Variants in FHIT observed in about 807,000 individuals in gnomAD.
FHIT encodes the protein bis(5'-adenosyl)-triphosphatase.
FHIT carries 19 observed loss-of-function variants against 17.9 expected under a neutral mutation model. That is an observed-to-expected ratio of 1.06 (90% CI 0.74 to 1.56). The LOEUF (loss-of-function observed/expected upper bound fraction) is 1.56, where lower values mean the gene tolerates loss of function less well. Ranked by LOEUF, FHIT falls within the 40% of genes most tolerant of loss-of-function variation. FHIT has a pLI of 0.00. For missense variants in FHIT, 248 were observed against 189.2 expected, an observed-to-expected ratio of 1.31 and a Z score of -1.82; for synonymous variants, 81 against 69.7, an observed-to-expected ratio of 1.16 and a Z score of -0.81.
intron 2 of FHIT, among the ~76,000 whole-genome samples, chr3:61,173,122 AT>A (rs1373902237): frequency 1.3e-5 from 2 of 152,216 alleles, no homozygotes; most frequent in African/African-American, 4.8e-5. Flanking sequence ...AAATGTTAAT[AT>A]TTTAATTTTT....
intron 5 of FHIT, among the ~76,000 whole-genome samples, chr3:60,370,187 T>G (rs1407276538): frequency 7.1e-6 from 1 of 141,288 alleles, no homozygotes; most frequent in African/African-American, 2.7e-5. Flanking sequence ...GATATACACT[T>G]GAATTAACAA....
chr3:59,832,514 G>A (rs988401667), intron 8 of FHIT, among the ~76,000 whole-genome samples: 1 of 152,144 alleles, frequency 6.6e-6, no homozygotes, highest in African/African-American at 2.4e-5. Flanking sequence ...TGTCTACATA[G>A]AATCTTTAAA....
intron 8 of FHIT, among the ~76,000 whole-genome samples, chr3:59,775,450 G>C (rs1234235837): frequency 6.6e-6 from 1 of 152,144 alleles, no homozygotes; most frequent in African/African-American, 2.4e-5. Flanking sequence ...TTATACATCA[G>C]TGGTCGCACC....
intron 5 of FHIT, among the ~76,000 whole-genome samples, chr3:60,135,627 A>G (rs1699785866): frequency 6.6e-6 from 1 of 152,128 alleles, no homozygotes; most frequent in Non-Finnish European, 1.5e-5. Context: ...TGAGAAAGGA[A>G]AAGCAACTAA....
intron 5 of FHIT, among the ~76,000 whole-genome samples, chr3:60,510,501 A>G (rs1467634706): frequency 6.6e-6 from 1 of 152,192 alleles, no homozygotes; most frequent in Non-Finnish European, 1.5e-5. Context: ...TTGGCCTTTT[A>G]TCTCATTTTT....
intron 4 of FHIT, among the ~76,000 whole-genome samples, chr3:60,807,325 A>G (rs1342442788): frequency 6.6e-6 from 1 of 151,906 alleles, no homozygotes; most frequent in Non-Finnish European, 1.5e-5. Context: ...ATGTACTAAA[A>G]TATTTTCTAG....
At position 60,286,593 on chromosome 3, in the gene FHIT, C is replaced by G. The variant is rs572069376; in HGVS notation, c.103+250267G>C. On this transcript the variant is annotated intron_variant, in intron 5 of 9. Coordinates refer to ENST00000492590, the MANE Select transcript of FHIT (RefSeq NM_002012.4). ...AAGTTTAAACATTTTTTATCTCAAA[C>G]AGAGTGGCCTCTGAATTTTCCTCCT... is the stretch of plus-strand genomic sequence containing the variant. 9.9e-5 allele frequency among the ~76,000 whole-genome samples: 15 copies of G among 152,248 alleles called. No homozygotes were observed. The South Asian group carries it at 2.9e-3, about 29-fold the overall frequency.
At chr3:60,388,215 C>T (rs575401282) in intron 5 of FHIT, among the ~76,000 whole-genome samples, 1 of 152,122 alleles carries the variant, frequency 6.6e-6, no homozygotes, top group Non-Finnish European at 1.5e-5. Flanking sequence ...AAATTAACCC[C>T]CTAAATAAGC....
intron 5 of FHIT, among the ~76,000 whole-genome samples, chr3:60,418,614 CCTT>C (rs1463718253): frequency 7.6e-6 from 1 of 131,266 alleles, no homozygotes; most frequent in African/African-American, 2.8e-5. Flanking sequence ...GACATTAAAT[CCTT>C]CTTCATTCTT....
intron 4 of FHIT, among the ~76,000 whole-genome samples, chr3:60,710,014 A>G (rs1186048981): frequency 1.3e-5 from 2 of 150,616 alleles, no homozygotes; most frequent in Non-Finnish European, 3.0e-5. Context: ...GACAACCATG[A>G]TATGTCAGTA....
At chr3:60,155,876 C>G (rs1490200265) in intron 5 of FHIT, among the ~76,000 whole-genome samples, 1 of 152,172 alleles carries the variant, frequency 6.6e-6, no homozygotes, top group East Asian at 1.9e-4. Context: ...CTCCTTTAGA[C>G]TCCCTCTCTC....
chr3:60,731,091 A>T (rs2042019829), intron 4 of FHIT, among the ~76,000 whole-genome samples: 1 of 152,272 alleles, frequency 6.6e-6, no homozygotes, highest in African/African-American at 2.4e-5. Context: ...GGGTCTCGCC[A>T]CTACACTCCA....
chr3:61,099,396 T>C lies in FHIT; in HGVS notation c.-163-57297A>G, dbSNP rs531062968. ...CTGCAGTTTTTTTTTGTTGTATCTC[T>C]GTCAGGTTTTGATATCAGGATGCTG... On this transcript the variant is annotated intron_variant, in intron 2 of 9. Coordinates refer to ENST00000492590, the MANE Select transcript of FHIT (RefSeq NM_002012.4). Among the ~76,000 whole-genome samples, 59 of 152,248 alleles carry C rather than the reference T, an allele frequency of 3.9e-4. 1 individual carries two copies. The South Asian group carries it at 9.9e-3, about 26-fold the overall frequency.
At chr3:60,908,632 C>T (rs1171962942) in intron 3 of FHIT, among the ~76,000 whole-genome samples, 5 of 140,886 alleles carry the variant, frequency 3.5e-5, no homozygotes, top group East Asian at 2.1e-4. Context: ...TAAAAGAAAG[C>T]GAGAAATGGA....
chr3:60,749,743 A>T (rs1443318757), intron 4 of FHIT, among the ~76,000 whole-genome samples: 2 of 152,200 alleles, frequency 1.3e-5, no homozygotes, highest in Admixed American at 1.3e-4. Context: ...AGTGCAGGAA[A>T]TGCAACTTGG....
chr3:60,327,357 T>G (rs12498046), intron 5 of FHIT, among the ~76,000 whole-genome samples: 60,980 of 152,116 alleles, frequency 0.4, 13,254 homozygotes, highest in South Asian at 0.58. Flanking sequence ...GTGTCAGAGA[T>G]TAGCTATTTT....
intron 3 of FHIT, among the ~76,000 whole-genome samples, chr3:60,853,734 G>A (rs9834262): frequency 0.028 from 4,204 of 152,062 alleles, 178 homozygotes; most frequent in African/African-American, 0.095. Flanking sequence ...CTAATGATCC[G>A]CTAGTTAGTA....
intron 5 of FHIT, among the ~76,000 whole-genome samples, chr3:60,450,402 G>C (rs1293400971): frequency 6.6e-6 from 1 of 151,862 alleles, no homozygotes; most frequent in Non-Finnish European, 1.5e-5. Context: ...ATATAAATAT[G>C]TATATATATC....
chr3:60,925,171 A>C (rs1031058401), intron 3 of FHIT, among the ~76,000 whole-genome samples: 2 of 152,222 alleles, frequency 1.3e-5, no homozygotes, highest in African/African-American at 4.8e-5. Context: ...CCAATCTAGC[A>C]AGGACGGCCA....
Sources: allele counts gnomAD v4.1 joint callset (sites outside exome capture counted in the v4.1 genomes callset), GRCh38; gene constraint gnomAD v4.1.1; transcripts MANE v1.5; gene names NCBI Gene and HGNC (gene_info 2026-07-23, HGNC 2026-07-21).